RIPOR2: variants seen among roughly 807,000 people sequenced by gnomAD.
The protein encoded by RIPOR2 is rho family-interacting cell polarization regulator 2.
A neutral mutation model predicts 114.5 loss-of-function variants in RIPOR2; 39 were observed. That is an observed-to-expected ratio of 0.34 (90% confidence interval 0.26 to 0.44). The LOEUF (loss-of-function observed/expected upper bound fraction) is 0.44, where lower values mean the gene tolerates loss of function less well. Among genes scored for constraint, RIPOR2 ranks in the 20% least tolerant of loss-of-function variants. The pLI, the probability that RIPOR2 is intolerant of heterozygous loss-of-function variation, is 1.00. For synonymous variants in RIPOR2, 445 were observed against 484.4 expected (o/e 0.92, Z 1.07); for missense variants, 1,007 against 1,255.1 (o/e 0.80, Z 2.99).
At chr6:24,835,443 A>C (rs2113696692) in intron 15 of RIPOR2, among the ~76,000 whole-genome samples, 1 of 152,226 alleles carries the variant, frequency 6.6e-6, no homozygotes, top group Middle Eastern at 3.4e-3. Context: ...CTCAGGTACT[A>C]CCAAATGAGT....
chr6:24,992,769 G>A (rs1489742230), intron 1 of RIPOR2, among the ~76,000 whole-genome samples: 1 of 152,130 alleles, frequency 6.6e-6, no homozygotes, highest in African/African-American at 2.4e-5. Context: ...GCAATCCTAA[G>A]CAAAAAGAAT....
intron 1 of RIPOR2, among the ~76,000 whole-genome samples, chr6:24,997,951 T>C (rs1306072658): frequency 6.6e-6 from 1 of 152,130 alleles, no homozygotes; most frequent in Non-Finnish European, 1.5e-5. Context: ...CACTTAGGTT[T>C]CAGGGCCACT....
chr6:24,830,765 G>C, intron 16 of RIPOR2, 95 bp from the exon 17 acceptor site: 1 of 1,274,626 alleles, frequency 7.8e-7, no homozygotes, highest in Non-Finnish European at 1.1e-6. Context: ...ACCCAGGCTG[G>C]AGTGCAATGG....
intron 2 of RIPOR2, among the ~76,000 whole-genome samples, chr6:24,874,218 A>G (rs1581676301): frequency 1.3e-5 from 2 of 151,938 alleles, no homozygotes; most frequent in East Asian, 3.9e-4. Flanking sequence ...CTTTGTAGAG[A>G]TAGGGTCTAG....
intron 8 of RIPOR2, among the ~76,000 whole-genome samples, chr6:24,854,612 G>A (rs1763262491): frequency 6.6e-6 from 1 of 152,116 alleles, no homozygotes; most frequent in African/African-American, 2.4e-5. Flanking sequence ...ATTCCTTGGG[G>A]CCTAAAGACT....
chr6:24,921,886 A>G (rs545784042), intron 1 of RIPOR2, among the ~76,000 whole-genome samples: 52 of 151,546 alleles, frequency 3.4e-4, no homozygotes, highest in African/African-American at 1.1e-3. Context: ...CTGGAGTGCA[A>G]TGGCGCAATC....
chr6:24,972,310 A>G (rs993013421), intron 1 of RIPOR2, among the ~76,000 whole-genome samples: 1 of 152,240 alleles, frequency 6.6e-6, no homozygotes, highest in African/African-American at 2.4e-5. Context: ...AGCAACAACA[A>G]CAAAACAGGG....
intron 1 of RIPOR2, chr6:25,015,167 C>T (rs1775913244): frequency 6.6e-6 from 1 of 152,164 alleles, no homozygotes; most frequent in Non-Finnish European, 1.5e-5. Flanking sequence ...AGCTTTAGAG[C>T]TTCATCATTC....
intron 1 of RIPOR2, among the ~76,000 whole-genome samples, chr6:24,993,074 G>A (rs1774896267): frequency 2.0e-5 from 3 of 152,200 alleles, no homozygotes; most frequent in South Asian, 2.1e-4. Flanking sequence ...ATTTCTGTCA[G>A]ATCAATAGTA....
chr6:25,014,604 T>C (rs1251690180), intron 1 of RIPOR2, among the ~76,000 whole-genome samples: 13 of 152,220 alleles, frequency 8.5e-5, no homozygotes, highest in Admixed American at 7.2e-4. Context: ...GGAGGGGTGC[T>C]AATAAGTGTC....
Position 24,858,749 on chromosome 6 carries a change from A to G in RIPOR2, c.715+2224T>C, listed in dbSNP as rs1471376589. ...AACATCAGGCAGGAGAGCAAGAACA[A>G]CAGAGAGAGGAGGAGATGGAGGAGC... On this transcript the variant is annotated intron_variant, in intron 8 of 21. Coordinates refer to ENST00000643898, the MANE Select transcript of RIPOR2 (RefSeq NM_001286445.3). This position sits in a 1 kb window ranked among gnomAD's most constrained non-coding sequence, Gnocchi z 4.0. 1.3e-5 allele frequency among the ~76,000 whole-genome samples: 2 copies of G among 152,158 alleles called. No individual in the cohort carries two copies. The highest frequency in any genetic ancestry group is 4.8e-5 in the African/African-American group (2 of 41,442).
chr6:24,962,729 A>T (rs564303958), intron 1 of RIPOR2, among the ~76,000 whole-genome samples: 39 of 152,286 alleles, frequency 2.6e-4, no homozygotes, highest in African/African-American at 9.4e-4. Context: ...TTGTACACTG[A>T]TATACATAAA....
intron 14 of RIPOR2, among the ~76,000 whole-genome samples, chr6:24,838,698 G>T (rs551251323): frequency 6.6e-6 from 1 of 152,228 alleles, no homozygotes; most frequent in East Asian, 1.9e-4. Flanking sequence ...GGAAGCTGAG[G>T]CAGGAGAATC....
chr6:25,008,997 G>C (rs1775669108), intron 1 of RIPOR2, among the ~76,000 whole-genome samples: 1 of 152,244 alleles, frequency 6.6e-6, no homozygotes. Flanking sequence ...CCAGGACACT[G>C]ATGCAGGATG....
intron 1 of RIPOR2, among the ~76,000 whole-genome samples, chr6:24,896,855 A>T (rs998679945): frequency 8.5e-5 from 13 of 152,218 alleles, no homozygotes; most frequent in Non-Finnish European, 1.8e-4. Context: ...GTGAGCTGAG[A>T]TTGTACCACT....
chr6:24,820,218 A>G (rs1371380997), intron 19 of RIPOR2, among the ~76,000 whole-genome samples: 1 of 151,896 alleles, frequency 6.6e-6, no homozygotes, highest in African/African-American at 2.4e-5. Flanking sequence ...TTTTTAGTAG[A>G]GACAGGGTTT....
intron 1 of RIPOR2, among the ~76,000 whole-genome samples, chr6:24,899,194 A>G (rs1768175870): frequency 6.6e-6 from 1 of 151,928 alleles, no homozygotes; most frequent in Non-Finnish European, 1.5e-5. Context: ...ATTACCGTAA[A>G]TCTCCCACAA....
intron 1 of RIPOR2, among the ~76,000 whole-genome samples, chr6:24,903,194 A>G (rs1170984329): frequency 1.3e-5 from 2 of 152,174 alleles, no homozygotes; most frequent in African/African-American, 4.8e-5. Context: ...TCCTCCTAGC[A>G]TGGTAGTCTC....
chr6:24,898,019 G>GAAGA (rs1034741543), intron 1 of RIPOR2, among the ~76,000 whole-genome samples: 4 of 151,422 alleles, frequency 2.6e-5, no homozygotes, highest in Admixed American at 6.6e-5. Context: ...GCCAGACCCT[G>GAAGA]AAGAAAGAAA....
Sources: allele counts gnomAD v4.1 joint callset (sites outside exome capture counted in the v4.1 genomes callset), GRCh38; gene constraint gnomAD v4.1.1; non-coding constraint Gnocchi (gnomAD v3.1); transcripts MANE v1.5; gene names NCBI Gene and HGNC (gene_info 2026-07-23, HGNC 2026-07-21).